Variants in HOGA1 observed in about 807,000 individuals in gnomAD.
HOGA1 encodes 4-hydroxy-2-oxoglutarate aldolase, mitochondrial.
In HOGA1, 30 loss-of-function variants were observed where a neutral mutation model predicts 34.3. The observed-to-expected ratio is 0.87, with a 90% confidence interval of 0.65 to 1.19. The LOEUF (loss-of-function observed/expected upper bound fraction) is 1.19. HOGA1 is among the 50% of genes most tolerant of loss of function. The pLI is 0.00. For missense variants in HOGA1, 417 were observed against 436.5 expected (o/e 0.96, Z 0.40); for synonymous variants, 161 against 174.0 (o/e 0.93, Z 0.59).
In HOGA1 at chr10:97,601,945, A is replaced by G. The variant is rs1395398889; in HGVS notation, c.789A>G (p.Glu263=). 6.2e-7 allele frequency: 1 copy of G among 1,613,292 alleles called. No homozygotes were observed. Among genetic ancestry groups the G allele is most frequent in the South Asian group, 1.1e-5 (1 of 90,898 alleles). ...LERLCCTGQW[E]DAQKLQHRLI... is the part of the protein sequence containing the mutation. ...GACTGTGCTGCACGGGGCAATGGGA[A>G]GATGCCCAGAAACTGCAGCACCGCC... The change falls in exon 6 of 7, where the codon GAA becomes GAG. Residue 263 remains glutamate (E), a synonymous_variant. Coordinates refer to ENST00000370646, the MANE Select transcript of HOGA1 (RefSeq NM_138413.4).
chr10:97,604,614 G>A (rs2041143496), intron 6 of HOGA1, among the ~76,000 whole-genome samples: 1 of 151,958 alleles, frequency 6.6e-6, no homozygotes, highest in African/African-American at 2.4e-5. Context: ...AGCCACCACG[G>A]CTGGCCCCCC....
chr10:97,590,293 G>C, intron 1 of HOGA1: 1 of 1,613,770 alleles, frequency 6.2e-7, no homozygotes, highest in Middle Eastern at 1.6e-4. Flanking sequence ...CCTGCACCAA[G>C]GAGATTGACA....
chr10:97,599,434 G>T, intron 3 of HOGA1: 1 of 714,530 alleles, frequency 1.4e-6, no homozygotes. Context: ...TGTCTCATAG[G>T]GTTGCAGTGA....
intron 6 of HOGA1, chr10:97,602,307 C>G (rs1326624568): frequency 2.3e-6 from 3 of 1,298,420 alleles, no homozygotes; most frequent in Non-Finnish European, 3.0e-6. Context: ...AACCCTAGGA[C>G]CACACTTAGA....
chr10:97,584,662 C>T lies in HOGA1; in HGVS notation c.-42C>T. 6.6e-7 allele frequency: 1 copy of T among 1,516,744 alleles called. No individual in the cohort carries two copies. The highest frequency in any genetic ancestry group is 9.1e-7 in the Non-Finnish European group (1 of 1,103,508). 94.0% of individuals were successfully genotyped at this position (1,516,744 alleles called of 1,614,324 possible). A position where few individuals can be genotyped will look rare whatever the true frequency, so the allele number is the denominator to read the frequency against. ...TAGAAAGAGTTCAAACTAAGTCTCA[C>T]TCTGGGACATAGACCAATTGTGCTT... On this transcript the variant is annotated 5_prime_UTR_variant, in exon 1 of 7. Transcript: ENST00000370646.
Position 97,603,990 on chromosome 10 carries a change from T to A in HOGA1, c.834+2000T>A, listed in dbSNP as rs2041139889. Among the ~76,000 whole-genome samples, 1 of 152,222 alleles carries A rather than the reference T, an allele frequency of 6.6e-6. No individual in the cohort carries two copies. Reference sequence around the variant, plus strand: ...ACAAAACTGTAGAATAATTTCATAGTCTGGATATTGACCTTGATACAGTCA... The same window carrying A: ...ACAAAACTGTAGAATAATTTCATAGACTGGATATTGACCTTGATACAGTCA... On this transcript the variant is annotated intron_variant, in intron 6 of 6. Coordinates refer to ENST00000370646, the MANE Select transcript of HOGA1 (RefSeq NM_138413.4). This position sits in a 1 kb window ranked among gnomAD's most constrained non-coding sequence, Gnocchi z 4.5.
rs753648051 is a variant in HOGA1 at position 97,600,055 on chromosome 10, T to G, written c.604-12T>G. 1 of 1,612,912 alleles carries G rather than the reference T, an allele frequency of 6.2e-7. No homozygotes were observed. The highest frequency in any genetic ancestry group is 8.5e-7 in the Non-Finnish European group (1 of 1,178,944). ...TCTGGGCACAGCTCTCACACCACAT[T>G]TGCTGTTGCAGGTGACCAGGATTGG... is the stretch of plus-strand genomic sequence containing the variant. On this transcript the variant is annotated splice_polypyrimidine_tract_variant and intron_variant, in intron 4 of 6. Coordinates refer to ENST00000370646, the MANE Select transcript of HOGA1 (RefSeq NM_138413.4).
intron 6 of HOGA1, among the ~76,000 whole-genome samples, chr10:97,609,057 C>T (rs560792588): frequency 6.6e-6 from 1 of 152,286 alleles, no homozygotes; most frequent in Admixed American, 6.5e-5. Flanking sequence ...AAATCTGAGT[C>T]CCTCTGGAGG....
chr10:97,591,817 TTGTGTGTGTGTGTGTGTG>T (rs56742680), intron 1 of HOGA1, among the ~76,000 whole-genome samples: 2 of 111,056 alleles, frequency 1.8e-5, no homozygotes, highest in African/African-American at 3.6e-5. Flanking sequence ...TTCTTTCATT[TTGTGTGTGTGTGTGTGTG>T]TGTGTGTGTG....
chr10:97,599,879 C>T (rs971846852), intron 4 of HOGA1, 65 bp downstream of exon 4: 84 of 1,609,178 alleles, frequency 5.2e-5, no homozygotes, highest in Non-Finnish European at 7.0e-5. Flanking sequence ...CACTTTTGCT[C>T]CTGAGGGCAG....
intron 1 of HOGA1, chr10:97,589,931 G>A: frequency 1.2e-6 from 2 of 1,613,758 alleles, no homozygotes; most frequent in Non-Finnish European, 1.7e-6. Flanking sequence ...GAGAAGAAAG[G>A]AAACCTCTGA....
intron 1 of HOGA1, chr10:97,589,907 G>A (rs1225519567): frequency 6.2e-7 from 1 of 1,612,404 alleles, no homozygotes; most frequent in Non-Finnish European, 8.5e-7. Flanking sequence ...CATGCTGTGG[G>A]TTCAGAGAAA....
intron 1 of HOGA1, chr10:97,589,597 G>T: frequency 2.6e-6 from 1 of 389,610 alleles, no homozygotes. Flanking sequence ...AGACATGAGG[G>T]ATGCTGCGGC....
At chr10:97,599,636 G>C in intron 3 of HOGA1, 44 bp from the exon 4 acceptor site, 4 of 1,611,956 alleles carry the variant, frequency 2.5e-6, no homozygotes, top group Non-Finnish European at 3.4e-6. Context: ...TTGGGACCTG[G>C]GGCGGCTGCC....
chr10:97,598,718 A>G, intron 1 of HOGA1, 57 bp from the exon 2 acceptor site: 5 of 1,609,198 alleles, frequency 3.1e-6, no homozygotes, highest in South Asian at 1.1e-5. Context: ...AGGAACACCA[A>G]TGTCCTAGTT....
chr10:97,600,149 C>T lies in HOGA1; in HGVS notation c.686C>T (p.Ala229Val). 1.2e-6 allele frequency: 2 copies of T among 1,613,922 alleles called. No homozygotes were observed. The highest frequency in any genetic ancestry group is 1.7e-6 in the Non-Finnish European group (2 of 1,179,856). The change falls in exon 5 of 7, where the codon GCC becomes GTC. Residue 229 changes from alanine to valine, a missense_variant. Transcript: ENST00000370646. ...GCTGGATCGGCTGGCTTTCTGATGG[C>T]CAGCTATGCCTTGGGTAGGCCGCCC... Reference protein sequence around the residue: ...VLAGSAGFLMASYALGAVGGV... With the variant: ...VLAGSAGFLMVSYALGAVGGV...
chr10:97,599,904 T>A lies in HOGA1; in HGVS notation c.603+90T>A. The A allele has an allele frequency of 5.0e-6, 8 of 1,593,510 alleles. No individual in the cohort carries two copies. The South Asian group carries it at 6.6e-5, about 13-fold the overall frequency. On this transcript the variant is annotated intron_variant, in intron 4 of 6. Transcript: ENST00000370646. Reference sequence around the variant, plus strand: ...CCTGAGGGCAGCTCTGAGATCTGTTTCCAACCTTGGCTTCTGTGTGGATTC... The same window carrying A: ...CCTGAGGGCAGCTCTGAGATCTGTTACCAACCTTGGCTTCTGTGTGGATTC...
intron 1 of HOGA1, chr10:97,590,339 C>T (rs748141701): frequency 5.6e-6 from 9 of 1,613,786 alleles, no homozygotes; most frequent in East Asian, 4.5e-5. Flanking sequence ...CATGCTGCAG[C>T]GGGCCATAGC....
rs562168307 is a variant in HOGA1, at chr10:97,612,418, T to TATC, written c.*761_*763dup. 6.6e-6 allele frequency: 1 copy of TATC among 152,200 alleles called. No individual in the cohort carries two copies. The highest frequency in any genetic ancestry group is 2.1e-4 in the South Asian group (1 of 4,824). 9.4% of individuals were successfully genotyped at this position (152,200 alleles called of 1,614,324 possible). Reference sequence around the variant, plus strand: ...CAAGTTCTGACTCCTTCCAGGGAAGTATCAGCTTAAGAAACTTGATCAGGA... The same window carrying TATC: ...CAAGTTCTGACTCCTTCCAGGGAAGTATCATCAGCTTAAGAAACTTGATCAGGA... On this transcript the variant is annotated 3_prime_UTR_variant, in exon 7 of 7. Coordinates refer to ENST00000370646, the MANE Select transcript of HOGA1 (RefSeq NM_138413.4).
Sources: allele counts gnomAD v4.1 joint callset (sites outside exome capture counted in the v4.1 genomes callset), GRCh38; gene constraint gnomAD v4.1.1; non-coding constraint Gnocchi (gnomAD v3.1); transcripts MANE v1.5; gene names NCBI Gene and HGNC (gene_info 2026-07-23, HGNC 2026-07-21).